Variants in WWOX observed in about 807,000 individuals in gnomAD.
The protein encoded by WWOX is WW domain-containing oxidoreductase.
In WWOX, 69 loss-of-function variants were observed where a neutral mutation model predicts 46.2. That is an observed-to-expected ratio of 1.49 (90% CI 1.23 to 1.82). The LOEUF is 1.82. Ranked by LOEUF, WWOX falls within the 40% of genes most tolerant of loss-of-function variation. WWOX has a pLI of 0.00. For missense variants in WWOX, 919 were observed against 542.6 expected (o/e 1.69, Z -6.89); for synonymous variants, 359 against 202.6 (o/e 1.77, Z -6.56).
chr16:79,089,180 C>G (rs1305367639), intron 8 of WWOX, among the ~76,000 whole-genome samples: 2 of 152,186 alleles, frequency 1.3e-5, no homozygotes, highest in Admixed American at 1.3e-4. Flanking sequence ...AGCTGCATAA[C>G]TGGTTTCTTG....
intron 8 of WWOX, among the ~76,000 whole-genome samples, chr16:79,079,918 C>A (rs2048728668): frequency 6.6e-6 from 1 of 150,832 alleles, no homozygotes; most frequent in South Asian, 2.1e-4. Context: ...GCGGAAAGAT[C>A]CTCAAGCTGT....
chr16:78,883,020 A>G (rs1394444897), intron 8 of WWOX, among the ~76,000 whole-genome samples: 1 of 152,170 alleles, frequency 6.6e-6, no homozygotes, highest in East Asian at 1.9e-4. Flanking sequence ...AGGAACTGCA[A>G]CTAAATTGAA....
chr16:78,983,795 A>G (rs2046730115), intron 8 of WWOX, among the ~76,000 whole-genome samples: 1 of 151,660 alleles, frequency 6.6e-6, no homozygotes, highest in South Asian at 2.1e-4. Context: ...CATATCTCCT[A>G]CAGCAGGTGG....
chr16:78,699,398 G>C (rs917485279), intron 8 of WWOX, among the ~76,000 whole-genome samples: 5 of 151,584 alleles, frequency 3.3e-5, no homozygotes, highest in Admixed American at 1.3e-4. Flanking sequence ...AATTAGCCAG[G>C]CGTGGTAGCT....
intron 8 of WWOX, among the ~76,000 whole-genome samples, chr16:78,840,940 A>C (rs1443481825): frequency 6.6e-6 from 1 of 151,982 alleles, no homozygotes; most frequent in Non-Finnish European, 1.5e-5. Context: ...TTGCCAGTGG[A>C]GGGGGCATTT....
At chr16:78,765,114 T>A (rs2049896627) in intron 8 of WWOX, among the ~76,000 whole-genome samples, 1 of 152,054 alleles carries the variant, frequency 6.6e-6, no homozygotes, top group African/African-American at 2.4e-5. Flanking sequence ...TGTGCGGGGA[T>A]GTGGTAGGGT....
intron 8 of WWOX, among the ~76,000 whole-genome samples, chr16:78,593,273 T>A (rs1385095396): frequency 1.3e-5 from 2 of 152,074 alleles, no homozygotes; most frequent in African/African-American, 4.8e-5. Flanking sequence ...ACTCCTGGCC[T>A]CAAGCAATCC....
chr16:78,576,095 G>T (rs935581397), intron 8 of WWOX, among the ~76,000 whole-genome samples: 2 of 151,944 alleles, frequency 1.3e-5, no homozygotes, highest in African/African-American at 2.4e-5. Flanking sequence ...TGGGAATGTT[G>T]TCTGACAGTT....
chr16:78,513,796 T>C (rs1222712553), intron 8 of WWOX, among the ~76,000 whole-genome samples: 1 of 152,178 alleles, frequency 6.6e-6, no homozygotes, highest in Non-Finnish European at 1.5e-5. Flanking sequence ...CGTCACCACT[T>C]ACCATCCACC....
At chr16:78,395,770 C>T (rs2082271127) in intron 6 of WWOX, among the ~76,000 whole-genome samples, 1 of 151,814 alleles carries the variant, frequency 6.6e-6, no homozygotes, top group Admixed American at 6.6e-5. Flanking sequence ...TTTTCTTTTT[C>T]TTTTTCTTTT....
At chr16:78,659,326 C>T (rs1398768629) in intron 8 of WWOX, among the ~76,000 whole-genome samples, 1 of 151,996 alleles carries the variant, frequency 6.6e-6, no homozygotes, top group South Asian at 2.1e-4. Flanking sequence ...GAGCTCCTAA[C>T]CATCGCGCCT....
At chr16:78,886,512 A>T (rs1204563830) in intron 8 of WWOX, among the ~76,000 whole-genome samples, 1 of 151,800 alleles carries the variant, frequency 6.6e-6, no homozygotes, top group Non-Finnish European at 1.5e-5. Flanking sequence ...TCTGATCTTC[A>T]GAGAAGTTTT....
intron 8 of WWOX, among the ~76,000 whole-genome samples, chr16:78,449,552 A>G (rs1477487588): frequency 6.6e-6 from 1 of 152,156 alleles, no homozygotes; most frequent in East Asian, 1.9e-4. Context: ...AAGCCATAGC[A>G]TTTATTACGG....
intron 8 of WWOX, among the ~76,000 whole-genome samples, chr16:79,123,890 G>A (rs1440476330): frequency 6.6e-6 from 1 of 152,178 alleles, no homozygotes; most frequent in Non-Finnish European, 1.5e-5. Flanking sequence ...AGGCAGCATC[G>A]ATGGAGGTTT....
At chr16:78,962,784 C>A (rs1000081025) in intron 8 of WWOX, among the ~76,000 whole-genome samples, 1 of 152,202 alleles carries the variant, frequency 6.6e-6, no homozygotes, top group Admixed American at 6.5e-5. Flanking sequence ...GAAGGCTCAT[C>A]TGTTCCCCTT....
At chr16:78,586,039 A>C (rs1195654038) in intron 8 of WWOX, among the ~76,000 whole-genome samples, 2 of 151,922 alleles carry the variant, frequency 1.3e-5, no homozygotes, top group Admixed American at 6.6e-5. Context: ...CTCTACCAAA[A>C]AACAACAACA....
intron 8 of WWOX, among the ~76,000 whole-genome samples, chr16:78,713,021 G>T (rs1389649292): frequency 6.6e-6 from 1 of 151,988 alleles, no homozygotes; most frequent in Non-Finnish European, 1.5e-5. Flanking sequence ...TGTAATCCCA[G>T]TGCTTTGACA....
intron 8 of WWOX, among the ~76,000 whole-genome samples, chr16:79,166,395 C>T (rs2050594991): frequency 6.6e-6 from 1 of 152,030 alleles, no homozygotes; most frequent in African/African-American, 2.4e-5. Flanking sequence ...CTTTTCTTCC[C>T]TTTTGCCTCC....
chr16:78,487,769 G>T (rs1293233416), intron 8 of WWOX, among the ~76,000 whole-genome samples: 16 of 152,106 alleles, frequency 1.1e-4, no homozygotes, highest in Admixed American at 1.0e-3. Context: ...GGAAACTAGT[G>T]TTCCAGAGCT....
Sources: gnomAD v4.1 joint callset for allele counts (sites outside exome capture counted in the v4.1 genomes callset) on GRCh38, gnomAD v4.1.1 for gene constraint, MANE v1.5 for transcripts, NCBI Gene and HGNC (gene_info 2026-07-23, HGNC 2026-07-21) for gene names.